The following DCC variants were observed in gnomAD, a reference collection of about 807,000 sequenced individuals.
DCC encodes DCC netrin 1 receptor, also known as netrin receptor DCC.
A neutral mutation model predicts 172.5 loss-of-function variants in DCC; 58 were observed. That is an observed-to-expected ratio of 0.34 (90% CI 0.27 to 0.42). The LOEUF (loss-of-function observed/expected upper bound fraction) is 0.42, where lower values mean the gene tolerates loss of function less well. Ranked by LOEUF, DCC falls within the 10% of genes least tolerant of loss-of-function variation. The pLI, the probability that DCC is intolerant of heterozygous loss-of-function variation, is 1.00. For missense variants in DCC, 1,740 were observed against 1,791.0 expected, an observed-to-expected ratio of 0.97 and a Z score of 0.51; for synonymous variants, 709 against 644.5, an observed-to-expected ratio of 1.10 and a Z score of -1.52.
At chr18:52,366,368 CGGG>C (rs1260699817) in intron 1 of DCC, among the ~76,000 whole-genome samples, 1 of 152,138 alleles carries the variant, frequency 6.6e-6, no homozygotes, top group African/African-American at 2.4e-5. Context: ...GGGACCCGAG[CGGG>C]TTGCCAATGC....
intron 1 of DCC, among the ~76,000 whole-genome samples, chr18:52,717,156 A>G (rs1448817116): frequency 6.6e-6 from 1 of 152,196 alleles, no homozygotes; most frequent in Non-Finnish European, 1.5e-5. Flanking sequence ...AGAGTTGTCT[A>G]GATTTGTAAA....
At chr18:52,956,369 C>T (rs1291378402) in intron 5 of DCC, among the ~76,000 whole-genome samples, 2 of 151,994 alleles carry the variant, frequency 1.3e-5, no homozygotes, top group South Asian at 2.1e-4. Context: ...CAATTGACTA[C>T]ATTTATTAAC....
intron 1 of DCC, among the ~76,000 whole-genome samples, chr18:52,453,197 A>G (rs1400163285): frequency 6.6e-6 from 1 of 152,220 alleles, no homozygotes; most frequent in Non-Finnish European, 1.5e-5. Context: ...AGATTTCAGT[A>G]TTTCAAATTA....
At chr18:53,188,116 G>A (rs955769149) in intron 9 of DCC, among the ~76,000 whole-genome samples, 22 of 151,966 alleles carry the variant, frequency 1.4e-4, no homozygotes, top group African/African-American at 4.8e-4. Flanking sequence ...CACATTTCCC[G>A]GTGCCCTGAA....
intron 2 of DCC, among the ~76,000 whole-genome samples, chr18:52,757,700 A>AT (rs1328675567): frequency 3.9e-5 from 6 of 152,060 alleles, no homozygotes; most frequent in African/African-American, 1.4e-4. Flanking sequence ...ATTTTTCAGC[A>AT]TTTACATTTT....
intron 15 of DCC, among the ~76,000 whole-genome samples, chr18:53,371,143 TAA>T (rs2058056793): frequency 6.6e-6 from 1 of 151,676 alleles, no homozygotes; most frequent in Admixed American, 6.6e-5. Flanking sequence ...CCAAATCTTA[TAA>T]GATGAGCAAC....
At chr18:52,469,007 A>C (rs1192631861) in intron 1 of DCC, among the ~76,000 whole-genome samples, 1 of 151,556 alleles carries the variant, frequency 6.6e-6, no homozygotes, top group Non-Finnish European at 1.5e-5. Context: ...TTAGGCTTTT[A>C]CTCATCAGTG....
chr18:53,174,089 T>C (rs2055053573), intron 8 of DCC, among the ~76,000 whole-genome samples: 1 of 130,286 alleles, frequency 7.7e-6, no homozygotes, highest in African/African-American at 3.0e-5. Flanking sequence ...ACTGGGTACA[T>C]AACGAAATGA....
At chr18:53,437,789 AT>A (rs1912046884) in intron 22 of DCC, among the ~76,000 whole-genome samples, 1 of 152,176 alleles carries the variant, frequency 6.6e-6, no homozygotes, top group African/African-American at 2.4e-5. Context: ...CATTATATGT[AT>A]TCAAGCAGTC....
intron 21 of DCC, among the ~76,000 whole-genome samples, chr18:53,432,543 G>C (rs983605481): frequency 6.6e-6 from 1 of 151,964 alleles, no homozygotes; most frequent in Non-Finnish European, 1.5e-5. Flanking sequence ...TCTCTTTCTC[G>C]AAATCAGTGC....
chr18:52,474,206 TAGAGAGAGAGAGAG>T (rs61277582), intron 1 of DCC, among the ~76,000 whole-genome samples: 7 of 100,628 alleles, frequency 7.0e-5, no homozygotes, highest in East Asian at 6.3e-4. Flanking sequence ...GTAACAGACC[TAGAGAGAGAGAGAG>T]AGAGAGAGAG....
intron 17 of DCC, among the ~76,000 whole-genome samples, chr18:53,393,991 A>G (rs1908752501): frequency 6.6e-6 from 1 of 152,044 alleles, no homozygotes; most frequent in African/African-American, 2.4e-5. Context: ...AAAGATATAA[A>G]ACAAATTTAA....
chr18:52,889,204 T>C (rs1175738238), intron 2 of DCC, among the ~76,000 whole-genome samples: 2 of 152,072 alleles, frequency 1.3e-5, no homozygotes, highest in Non-Finnish European at 2.9e-5. Flanking sequence ...TTATGTATTC[T>C]TTCATAAAAG....
intron 1 of DCC, among the ~76,000 whole-genome samples, chr18:52,509,495 C>G (rs1016323447): frequency 6.6e-6 from 1 of 152,128 alleles, no homozygotes; most frequent in Non-Finnish European, 1.5e-5. Flanking sequence ...TTTAGACAAG[C>G]CTATCCTAAG....
intron 2 of DCC, among the ~76,000 whole-genome samples, chr18:52,799,039 G>A (rs753802672): frequency 1.3e-4 from 20 of 152,168 alleles, no homozygotes; most frequent in Admixed American, 3.3e-4. Flanking sequence ...GTGAGCCACC[G>A]TGGCCAGCCT....
chr18:52,714,416 A>G (rs1447121984), intron 1 of DCC, among the ~76,000 whole-genome samples: 1 of 152,222 alleles, frequency 6.6e-6, no homozygotes, highest in African/African-American at 2.4e-5. Flanking sequence ...GAAGCAATTT[A>G]TTTAGGGTAG....
chr18:52,420,976 C>T (rs1987228043), intron 1 of DCC, among the ~76,000 whole-genome samples: 1 of 151,982 alleles, frequency 6.6e-6, no homozygotes, highest in African/African-American at 2.4e-5. Flanking sequence ...GGATTGCAAG[C>T]CCAGAATTCA....
chr18:52,425,884 G>A lies in DCC; in HGVS notation c.91+85006G>A, dbSNP rs914194732. Among the ~76,000 whole-genome samples, 94 of 152,072 alleles carry A rather than the reference G, an allele frequency of 6.2e-4. 1 individual carries two copies. Among genetic ancestry groups the A allele is most frequent in the African/African-American group, 2.3e-3 (94 of 41,426 alleles). ...CATGGTTGTTGAAAGAATTTAATGA[G>A]TGTTTATTGCCTATGCACATACATT... On this transcript the variant is annotated intron_variant, in intron 1 of 28. Transcript: ENST00000442544.
intron 12 of DCC, among the ~76,000 whole-genome samples, chr18:53,268,699 G>A (rs531781824): frequency 3.7e-4 from 57 of 152,236 alleles, no homozygotes; most frequent in African/African-American, 1.3e-3. Flanking sequence ...TGGAGGAATC[G>A]TGGTGCTGTC....
Sources: gnomAD v4.1 joint callset for allele counts (sites outside exome capture counted in the v4.1 genomes callset) on GRCh38, gnomAD v4.1.1 for gene constraint, MANE v1.5 for transcripts, NCBI Gene and HGNC (gene_info 2026-07-23, HGNC 2026-07-21) for gene names.